Variants in GABRR3 observed in about 807,000 individuals in gnomAD.
GABRR3 encodes the protein gamma-aminobutyric acid receptor subunit rho-3.
In GABRR3, 29 loss-of-function variants were observed where a neutral mutation model predicts 43.2. That is an observed-to-expected ratio of 0.67 (90% CI 0.50 to 0.92). The LOEUF is 0.92. GABRR3 is among the 40% of genes least tolerant of loss of function. The pLI is 0.00. For missense variants in GABRR3, 576 were observed against 572.3 expected, an observed-to-expected ratio of 1.01 and a Z score of -0.07; for synonymous variants, 206 against 195.9, an observed-to-expected ratio of 1.05 and a Z score of -0.43.
chr3:98,011,522 C>T (rs534682189), intron 5 of GABRR3, among the ~76,000 whole-genome samples: 3 of 152,286 alleles, frequency 2.0e-5, no homozygotes, highest in African/African-American at 7.2e-5. Context: ...TATAAGCATA[C>T]TTTTGATTGC....
At chr3:98,017,655 C>T (rs1466280798) in exon 4 of GABRR3, 7 of 1,606,104 alleles carry the variant, frequency 4.4e-6, no homozygotes, top group Non-Finnish European at 6.0e-6. Context: ...AGAAACTTAC[C>T]ATGTTAGTCT....
chr3:98,017,549 TA>T (rs1706886327), intron 4 of GABRR3, 105 bp downstream of exon 4: 1 of 790,364 alleles, frequency 1.3e-6, no homozygotes, highest in Non-Finnish European at 2.1e-6. Flanking sequence ...GTAGGAGACA[TA>T]AATAACATAC....
intron 2 of GABRR3, among the ~76,000 whole-genome samples, chr3:98,029,021 C>T (rs1175470270): frequency 6.6e-6 from 1 of 151,942 alleles, no homozygotes; most frequent in South Asian, 2.1e-4. Flanking sequence ...CCCTCTCCCC[C>T]ATTCTAGAAA....
intron 3 of GABRR3, among the ~76,000 whole-genome samples, chr3:98,023,221 T>G (rs1706973735): frequency 6.6e-6 from 1 of 152,176 alleles, no homozygotes; most frequent in Admixed American, 6.5e-5. Context: ...AGGATAGTCA[T>G]TTTTCTCTCA....
chr3:98,024,805 A>G (rs1319158992), intron 3 of GABRR3, among the ~76,000 whole-genome samples: 1 of 152,224 alleles, frequency 6.6e-6, no homozygotes, highest in Non-Finnish European at 1.5e-5. Context: ...TGATTTCACC[A>G]TATCCTGTGT....
intron 2 of GABRR3, among the ~76,000 whole-genome samples, chr3:98,025,949 G>A (rs1380383915): frequency 2.0e-5 from 3 of 152,100 alleles, no homozygotes; most frequent in East Asian, 1.9e-4. Context: ...CTCAGAATAC[G>A]GTTTTTAGAC....
intron 2 of GABRR3, among the ~76,000 whole-genome samples, chr3:98,027,639 G>A (rs1266888318): frequency 2.0e-5 from 3 of 152,220 alleles, no homozygotes; most frequent in Non-Finnish European, 4.4e-5. Context: ...GGTGCACAAT[G>A]AGATGTTCCA....
In GABRR3 at chr3:97,992,845, G is replaced by A. The variant is rs1237972951; in HGVS notation, c.1104+7C>T. ...CAAGGGATCTGATAGTCAGAGCAAG[G>A]CTGTACCTTTCCTGTCTTCTTGAAT... On this transcript the variant is annotated splice_region_variant and intron_variant, in intron 9 of 9. Coordinates refer to ENST00000621172, the Ensembl canonical transcript of GABRR3. 1 of 1,599,840 alleles carries A rather than the reference G, an allele frequency of 6.3e-7. No homozygotes were observed. The highest frequency in any genetic ancestry group is 1.7e-5 in the Admixed American group (1 of 59,226).
intron 2 of GABRR3, among the ~76,000 whole-genome samples, chr3:98,026,679 C>A (rs1707023399): frequency 6.6e-6 from 1 of 151,432 alleles, no homozygotes. Context: ...ACGCAAGACC[C>A]TGAGGGCTCT....
intron 2 of GABRR3, among the ~76,000 whole-genome samples, chr3:98,026,284 G>T (rs1282748432): frequency 6.6e-6 from 1 of 152,166 alleles, no homozygotes; most frequent in South Asian, 2.1e-4. Context: ...CAATATTTAT[G>T]CCTGAAGCCA....
intron 2 of GABRR3, among the ~76,000 whole-genome samples, chr3:98,032,754 T>G (rs1251958170): frequency 6.6e-6 from 1 of 152,208 alleles, no homozygotes; most frequent in African/African-American, 2.4e-5. Flanking sequence ...TTTAAGAGCC[T>G]TATTGTATAA....
chr3:98,033,489 G>A (rs1707116504), intron 2 of GABRR3, among the ~76,000 whole-genome samples: 1 of 152,022 alleles, frequency 6.6e-6, no homozygotes, highest in African/African-American at 2.4e-5. Flanking sequence ...AAATATACAT[G>A]GTAGATTTTT....
Position 98,001,611 on chromosome 3 carries a change from T to A in GABRR3, c.907+4A>T. 1.9e-6 allele frequency: 3 copies of A among 1,612,740 alleles called. No homozygotes were observed. Among genetic ancestry groups the A allele is most frequent in the Non-Finnish European group, 2.5e-6 (3 of 1,179,142 alleles). On this transcript the variant is annotated splice_donor_region_variant and intron_variant, in intron 8 of 9. Coordinates refer to ENST00000621172, the Ensembl canonical transcript of GABRR3. ...ACATTTTATAAAGATGGGGAAAGAT[T>A]TACCCAGGGAAACTCTTGCAGGAAC...
exon 5 of GABRR3, chr3:98,012,511 A>G: frequency 6.2e-7 from 1 of 1,614,024 alleles, no homozygotes; most frequent in Non-Finnish European, 8.5e-7. Context: ...CTGTGCTAGG[A>G]AAGGAGAGCC....
chr3:98,003,360 T>C (rs1239575212), intron 7 of GABRR3, among the ~76,000 whole-genome samples: 2 of 149,940 alleles, frequency 1.3e-5, no homozygotes, highest in African/African-American at 4.9e-5. Context: ...TAACTTGAAA[T>C]AAAATTAGTT....
intron 3 of GABRR3, among the ~76,000 whole-genome samples, chr3:98,022,434 A>G (rs1706959542): frequency 6.6e-6 from 1 of 152,234 alleles, no homozygotes; most frequent in South Asian, 2.1e-4. Context: ...GCTGAAGTTA[A>G]CATTTAGCTC....
chr3:98,024,981 C>A (rs1448458895), intron 3 of GABRR3, among the ~76,000 whole-genome samples: 2 of 152,190 alleles, frequency 1.3e-5, no homozygotes, highest in African/African-American at 2.4e-5. Flanking sequence ...TGGCCTTGGG[C>A]AAATCTCTTA....
chr3:98,012,657 A>G (rs1706809338), intron 4 of GABRR3, 90 bp from the exon 5 acceptor site: 3 of 814,360 alleles, frequency 3.7e-6, no homozygotes, highest in African/African-American at 1.7e-5. Context: ...ACTCATTCCT[A>G]TGGTGTTAAT....
intron 3 of GABRR3, among the ~76,000 whole-genome samples, chr3:98,023,045 T>C (rs377540505): frequency 6.6e-6 from 1 of 152,212 alleles, no homozygotes; most frequent in East Asian, 1.9e-4. Flanking sequence ...GGAGTGCTTC[T>C]CAAACTGTAA....
Sources: gnomAD v4.1 joint callset for allele counts (sites outside exome capture counted in the v4.1 genomes callset) on GRCh38, gnomAD v4.1.1 for gene constraint, MANE v1.5 for transcripts, NCBI Gene and HGNC (gene_info 2026-07-23, HGNC 2026-07-21) for gene names.